CFAP73: variants seen among roughly 807,000 people sequenced by gnomAD.
CFAP73 encodes the protein cilia and flagella associated protein 73.
CFAP73 carries 33 observed loss-of-function variants against 42.9 expected under a neutral mutation model. The observed-to-expected ratio is 0.77, with a 90% confidence interval of 0.58 to 1.03. The LOEUF is 1.03. Ranked by LOEUF, CFAP73 falls within the 50% of genes least tolerant of loss-of-function variation. CFAP73 has a pLI of 0.00. For synonymous variants in CFAP73, 162 were observed against 186.8 expected, an observed-to-expected ratio of 0.87 and a Z score of 1.08; for missense variants, 392 against 411.9, an observed-to-expected ratio of 0.95 and a Z score of 0.42.
Position 113,159,042 on chromosome 12 carries a change from C to A in CFAP73, c.*353C>A, listed in dbSNP as rs1345242015. On this transcript the variant is annotated 3_prime_UTR_variant, in exon 8 of 8. Coordinates refer to ENST00000335621, the MANE Select transcript of CFAP73 (RefSeq NM_001144872.3). ...CCCGGCGCCGCTGCTTCAGGATCTG[C>A]TGCTTGGTCTTGAGTTCCGGGCGGA... 2 of 1,611,386 alleles carry A rather than the reference C, an allele frequency of 1.2e-6. No individual in the cohort carries two copies. The highest frequency in any genetic ancestry group is 3.3e-5 in the Admixed American group (2 of 59,882).
At chr12:113,152,988 C>T in intron 3 of CFAP73, 101 bp downstream of exon 3, 1 of 916,458 alleles carries the variant, frequency 1.1e-6, no homozygotes, top group South Asian at 1.6e-5. Flanking sequence ...TGGTTTTCGT[C>T]ATGCAAAAGG....
At chr12:113,157,576 T>C (rs1225464329) in intron 6 of CFAP73, 26 bp from the exon 7 acceptor site, 1 of 1,548,412 alleles carries the variant, frequency 6.5e-7, no homozygotes, top group Admixed American at 2.0e-5. Flanking sequence ...GGGGCTGGGA[T>C]GTGACTTCGT....
chr12:113,152,665 T>G (rs61941408), intron 2 of CFAP73, 118 bp from the exon 3 acceptor site: 38,537 of 704,064 alleles, frequency 0.055, 1,409 homozygotes, highest in Non-Finnish European at 0.063. Flanking sequence ...CCGGATGGGT[T>G]GAGCAGGGAG....
rs1224931191 is a variant in CFAP73, at chr12:113,157,610, G to A, written c.858G>A (p.Leu286=). The change falls in exon 7 of 8, where the codon CTG becomes CTA. Residue 286 remains leucine (L), a synonymous_variant. Transcript: ENST00000335621. The part of the protein sequence containing the change: ...DTEGQLEHVK[L]FMQDLSAMLA... ...GTGCTGGGCCCCCCCAGGTGAAGCT[G>A]TTCATGCAGGACCTCTCTGCCATGC... 3 of 1,551,688 alleles carry A rather than the reference G, an allele frequency of 1.9e-6. No individual in the cohort carries two copies. The highest frequency in any genetic ancestry group is 2.6e-6 in the Non-Finnish European group (3 of 1,146,994).
chr12:113,150,442 G>C (rs1422684220), intron 1 of CFAP73, among the ~76,000 whole-genome samples: 1 of 152,200 alleles, frequency 6.6e-6, no homozygotes, highest in East Asian at 1.9e-4. Flanking sequence ...TCTCCCTGCA[G>C]AGGTCTCAGG....
Position 113,158,234 on chromosome 12 carries a change from G to A in CFAP73, c.*12-467G>A. On this transcript the variant is annotated intron_variant, in intron 7 of 7. Coordinates refer to ENST00000335621, the MANE Select transcript of CFAP73 (RefSeq NM_001144872.3). The surrounding 1 kb of genome is among the most constrained non-coding windows in gnomAD (Gnocchi z 4.9). ...GCCAGAGGGGAGCAGCTGTGTCCTT[G>A]CCCCCTGGGCTGGGCATCCTGTTCC... 1 of 153,990 alleles carries A rather than the reference G, an allele frequency of 6.5e-6. No homozygotes were observed. Among genetic ancestry groups the A allele is most frequent in the Admixed American group, 6.4e-5 (1 of 15,628 alleles). 9.5% of individuals were successfully genotyped at this position (153,990 alleles called of 1,614,324 possible). A position where few individuals can be genotyped will look rare whatever the true frequency, so the allele number is the denominator to read the frequency against.
chr12:113,152,679 C>A, intron 2 of CFAP73, 104 bp from the exon 3 acceptor site: 2 of 792,502 alleles, frequency 2.5e-6, no homozygotes, highest in Non-Finnish European at 4.2e-6. Context: ...CAGGGAGCAG[C>A]CACAGATCAG....
intron 4 of CFAP73, among the ~76,000 whole-genome samples, chr12:113,153,626 CTT>C (rs1203895912): frequency 6.6e-6 from 1 of 152,162 alleles, no homozygotes; most frequent in Non-Finnish European, 1.5e-5. Flanking sequence ...CAGTGTCTCG[CTT>C]TGTCACCAGG....
intron 3 of CFAP73, 78 bp downstream of exon 3, chr12:113,152,965 A>G: frequency 1.9e-6 from 2 of 1,052,508 alleles, no homozygotes; most frequent in Non-Finnish European, 2.8e-6. Context: ...GCAGGTAACA[A>G]AAATAAAAGA....
At position 113,149,760 on chromosome 12, in the gene CFAP73, G is replaced by T. The variant is rs1952045917; in HGVS notation, c.-98G>T. ...GTGGCTGCCTTCTGGGCCGAGCTGA[G>T]CAGGCTTCCACACCACGCTCCACAG... On this transcript the variant is annotated 5_prime_UTR_variant, in exon 1 of 8. Transcript: ENST00000335621. 1 of 1,272,876 alleles carries T rather than the reference G, an allele frequency of 7.9e-7. No homozygotes were observed. Among genetic ancestry groups the T allele is most frequent in the Non-Finnish European group, 1.1e-6 (1 of 903,016 alleles). 78.8% of individuals were successfully genotyped at this position (1,272,876 alleles called of 1,614,324 possible). A position where few individuals can be genotyped will look rare whatever the true frequency, so the allele number is the denominator to read the frequency against.
chr12:113,153,827 C>G (rs1225191231), intron 4 of CFAP73, among the ~76,000 whole-genome samples: 1 of 152,016 alleles, frequency 6.6e-6, no homozygotes, highest in Non-Finnish European at 1.5e-5. Context: ...TTTCGAACTC[C>G]TGGGCTCAAG....
At chr12:113,156,804 A>T (rs1022400162) in intron 6 of CFAP73, 1 of 152,190 alleles carries the variant, frequency 6.6e-6, no homozygotes, top group African/African-American at 2.4e-5. Context: ...AAGAAGAAAC[A>T]AAATCTGTAA....
chr12:113,158,725 TG>T lies in CFAP73; in HGVS notation c.*38del. 1 of 817,106 alleles carries T rather than the reference TG, an allele frequency of 1.2e-6. No individual in the cohort carries two copies. The highest frequency in any genetic ancestry group is 1.9e-6 in the Non-Finnish European group (1 of 536,346). The allele number at this position is 817,106 out of a possible 1,614,324, so 50.6% of individuals were successfully genotyped here. On this transcript the variant is annotated 3_prime_UTR_variant, in exon 8 of 8. Transcript: ENST00000335621. This position sits in a 1 kb window ranked among gnomAD's most constrained non-coding sequence, Gnocchi z 4.9. ...GGCTGACGCAGCTGCTGCCCTTCTG[TG>T]GCCATACAGTGCTCCTTTTCACAGA... is the stretch of plus-strand genomic sequence containing the variant.
chr12:113,154,597 G>C lies in CFAP73; in HGVS notation c.652G>C (p.Glu218Gln). 7.1e-7 allele frequency: 1 copy of C among 1,418,106 alleles called. No individual in the cohort carries two copies. Among genetic ancestry groups the C allele is most frequent in the Non-Finnish European group, 9.1e-7 (1 of 1,097,634 alleles). 87.8% of individuals were successfully genotyped at this position (1,418,106 alleles called of 1,614,324 possible). A position where few individuals can be genotyped will look rare whatever the true frequency, so the allele number is the denominator to read the frequency against. Residue 218 changes from glutamate (E) to glutamine (Q), a missense_variant, in exon 5 of 8, where the codon GAG (glutamate) becomes CAG (glutamine). Coordinates refer to ENST00000335621, the MANE Select transcript of CFAP73 (RefSeq NM_001144872.3). This position sits in a 1 kb window ranked among gnomAD's most constrained non-coding sequence, Gnocchi z 4.7. ...GGGCCAGCGGCGGGCACAGCTGCAG[G>C]AGCGCCTGGAGGCTGCCAGGGAGCG... ...AQGQRRAQLQ[E>Q]RLEAARERTL...
intron 4 of CFAP73, among the ~76,000 whole-genome samples, chr12:113,153,653 C>T (rs1469294346): frequency 2.0e-5 from 3 of 152,138 alleles, no homozygotes; most frequent in Non-Finnish European, 4.4e-5. Flanking sequence ...AGTGCATTGG[C>T]GCGATCACGG....
intron 7 of CFAP73, 151 bp downstream of exon 7, chr12:113,157,841 A>G (rs1399711621): frequency 3.1e-6 from 2 of 640,634 alleles, no homozygotes; most frequent in African/African-American, 1.8e-5. Context: ...TGGGCCTGCC[A>G]TGAGGGGCAC....
chr12:113,157,695 G>C lies in CFAP73; in HGVS notation c.*11+5G>C, dbSNP rs373975214. On this transcript the variant is annotated splice_donor_5th_base_variant and intron_variant, in intron 7 of 7. Transcript: ENST00000335621. ...TGCCTCCTAGCCCTGACACAGGTGA[G>C]CAGCGGGAGAGGGAACCCCTGAGAG... The C allele has an allele frequency of 6.5e-7, 1 of 1,549,882 alleles. No homozygotes were observed. The highest frequency in any genetic ancestry group is 1.2e-5 in the South Asian group (1 of 84,042).
intron 5 of CFAP73, 35 bp from the exon 6 acceptor site, chr12:113,155,225 T>C (rs1427260674): frequency 2.7e-6 from 4 of 1,488,344 alleles, no homozygotes; most frequent in Non-Finnish European, 2.7e-6. Flanking sequence ...CTTGGCCCAG[T>C]TGCCATAATT....
chr12:113,155,493 G>A, intron 6 of CFAP73, 75 bp downstream of exon 6: 1 of 1,418,030 alleles, frequency 7.1e-7, no homozygotes, highest in Non-Finnish European at 9.5e-7. Flanking sequence ...AAACCCCACA[G>A]TTAGTGACAC....
Sources: allele counts gnomAD v4.1 joint callset (sites outside exome capture counted in the v4.1 genomes callset), GRCh38; gene constraint gnomAD v4.1.1; non-coding constraint Gnocchi (gnomAD v3.1); transcripts MANE v1.5; gene names NCBI Gene and HGNC (gene_info 2026-07-23, HGNC 2026-07-21).